Variants in ABTB3 observed in about 807,000 individuals in gnomAD.
The protein encoded by ABTB3 is ankyrin repeat and BTB domain containing 3.
the ABTB3 span, among the ~76,000 whole-genome samples, chr12:107,502,331 A>T: frequency 6.6e-6 from 1 of 151,962 alleles, no homozygotes; most frequent in African/African-American, 2.4e-5. Flanking sequence ...CAGCCTCCCA[A>T]CATGCTAAGA....
At chr12:107,644,343 A>T in the ABTB3 span, among the ~76,000 whole-genome samples, 3 of 152,212 alleles carry the variant, frequency 2.0e-5, no homozygotes, top group Admixed American at 2.0e-4. Context: ...ACAATTCCCA[A>T]TGCCCAGGCT....
the ABTB3 span, among the ~76,000 whole-genome samples, chr12:107,512,597 CT>C: frequency 6.6e-6 from 1 of 152,172 alleles, no homozygotes; most frequent in African/African-American, 2.4e-5. Context: ...ACCATGTTCC[CT>C]AGTTGTGCCT....
At chr12:107,637,714 A>G in the ABTB3 span, among the ~76,000 whole-genome samples, 1 of 151,942 alleles carries the variant, frequency 6.6e-6, no homozygotes, top group Non-Finnish European at 1.5e-5. Context: ...AGGTGATATA[A>G]ACGAGTGAAA....
At chr12:107,487,775 G>A in the ABTB3 span, among the ~76,000 whole-genome samples, 1 of 152,118 alleles carries the variant, frequency 6.6e-6, no homozygotes, top group African/African-American at 2.4e-5. Context: ...ACCGTTGGGA[G>A]TCAACTGATG....
chr12:107,410,226 T>TAAAAA, the ABTB3 span, among the ~76,000 whole-genome samples: 1 of 122,252 alleles, frequency 8.2e-6, no homozygotes, highest in African/African-American at 3.1e-5. Context: ...TCAGAATTGT[T>TAAAAA]AAAAAAAAAA....
chr12:107,622,613 C>CT, the ABTB3 span, among the ~76,000 whole-genome samples: 1 of 152,306 alleles, frequency 6.6e-6, no homozygotes, highest in African/African-American at 2.4e-5. Context: ...TCCCAAGTGG[C>CT]TGGGATTGCA....
the ABTB3 span, among the ~76,000 whole-genome samples, chr12:107,567,312 T>C: frequency 2.4e-3 from 366 of 152,324 alleles, 2 homozygotes; most frequent in African/African-American, 8.3e-3. Context: ...TATGGCCCAG[T>C]CTCCTCACTT....
the ABTB3 span, among the ~76,000 whole-genome samples, chr12:107,556,260 A>C: frequency 6.6e-6 from 1 of 151,962 alleles, no homozygotes; most frequent in East Asian, 1.9e-4. Context: ...ACACCTAGCT[A>C]ATTTTTTGTA....
the ABTB3 span, among the ~76,000 whole-genome samples, chr12:107,321,035 G>A: frequency 1.3e-5 from 2 of 152,216 alleles, no homozygotes; most frequent in Admixed American, 6.5e-5. Context: ...CGCGCTGGCG[G>A]TGCTGCCCGT....
the ABTB3 span, among the ~76,000 whole-genome samples, chr12:107,389,846 T>TGTGTGTGTG: frequency 1.8e-3 from 248 of 141,554 alleles, 3 homozygotes; most frequent in African/African-American, 5.2e-3. Flanking sequence ...GTGTGTGTGT[T>TGTGTGTGTG]TGTGTGTGTG....
chr12:107,407,431 C>T, the ABTB3 span, among the ~76,000 whole-genome samples: 1 of 152,330 alleles, frequency 6.6e-6, no homozygotes, highest in South Asian at 2.1e-4. Flanking sequence ...AGCTACAGAT[C>T]CAAGAAGGCT....
the ABTB3 span, among the ~76,000 whole-genome samples, chr12:107,458,056 G>A: frequency 6.6e-6 from 1 of 152,194 alleles, no homozygotes; most frequent in Admixed American, 6.5e-5. Context: ...AAAGTTGGGT[G>A]TGAGTACCCA....
chr12:107,390,569 G>A, the ABTB3 span, among the ~76,000 whole-genome samples: 1 of 152,204 alleles, frequency 6.6e-6, no homozygotes, highest in African/African-American at 2.4e-5. Flanking sequence ...GGCAGTGTCA[G>A]TACTGGTTTC....
the ABTB3 span, among the ~76,000 whole-genome samples, chr12:107,417,093 C>T: frequency 1.3e-5 from 2 of 152,210 alleles, no homozygotes; most frequent in Non-Finnish European, 2.9e-5. Context: ...GGATCTTCTT[C>T]TTTCATATCC....
chr12:107,496,378 C>T, the ABTB3 span, among the ~76,000 whole-genome samples: 1 of 152,186 alleles, frequency 6.6e-6, no homozygotes, highest in Non-Finnish European at 1.5e-5. Flanking sequence ...TCTCGGCTTT[C>T]ATGTCACCTG....
chr12:107,608,942 T>TAAAATAAAATA, the ABTB3 span, among the ~76,000 whole-genome samples: 3 of 60,270 alleles, frequency 5.0e-5, no homozygotes, highest in East Asian at 9.0e-4. Flanking sequence ...TAAAATAAAA[T>TAAAATAAAATA]AAATAAAATA....
At chr12:107,571,072 C>T in the ABTB3 span, among the ~76,000 whole-genome samples, 1 of 152,192 alleles carries the variant, frequency 6.6e-6, no homozygotes, top group Non-Finnish European at 1.5e-5. Flanking sequence ...TACTTCAGGG[C>T]TCTTGTCATT....
the ABTB3 span, among the ~76,000 whole-genome samples, chr12:107,347,059 A>T: frequency 1.3e-5 from 2 of 152,246 alleles, no homozygotes; most frequent in Non-Finnish European, 2.9e-5. Context: ...CATTTAGAGC[A>T]GCATATATTA....
chr12:107,644,633 CA>C, the ABTB3 span, among the ~76,000 whole-genome samples: 1 of 152,160 alleles, frequency 6.6e-6, no homozygotes, highest in Non-Finnish European at 1.5e-5. Flanking sequence ...CCTTTAGTTT[CA>C]GGGGCACACG....
Sources: allele counts gnomAD v4.1 joint callset (sites outside exome capture counted in the v4.1 genomes callset), GRCh38; gene constraint gnomAD v4.1.1; transcripts MANE v1.5; gene names NCBI Gene and HGNC (gene_info 2026-07-23, HGNC 2026-07-21).